Variants in PLEKHA7 observed in about 807,000 individuals in gnomAD.
PLEKHA7 encodes pleckstrin homology domain containing A7.
Under a neutral mutation model 170.0 loss-of-function variants are expected in PLEKHA7, and 104 were observed. The ratio of observed to expected loss-of-function variants is 0.61; its 90% confidence interval spans 0.52 to 0.72. The LOEUF (loss-of-function observed/expected upper bound fraction) is 0.72. PLEKHA7 is among the 30% of genes least tolerant of loss of function. PLEKHA7 has a pLI of 0.00. For missense variants in PLEKHA7, 1,615 were observed against 1,671.7 expected, an observed-to-expected ratio of 0.97 and a Z score of 0.59; for synonymous variants, 648 against 660.8, an observed-to-expected ratio of 0.98 and a Z score of 0.30.
intron 13 of PLEKHA7, among the ~76,000 whole-genome samples, chr11:16,803,812 C>G (rs889070228): frequency 6.6e-6 from 1 of 152,192 alleles, no homozygotes; most frequent in African/African-American, 2.4e-5. Flanking sequence ...GTAAGGCCAG[C>G]CTTCCTTACC....
At chr11:16,980,607 T>TG (rs978027483) in intron 3 of PLEKHA7, among the ~76,000 whole-genome samples, 10 of 151,950 alleles carry the variant, frequency 6.6e-5, no homozygotes, top group African/African-American at 1.5e-4. Flanking sequence ...TGGTTTGGTT[T>TG]GGGGGGGATA....
At chr11:16,892,914 C>A (rs1031954444) in intron 3 of PLEKHA7, among the ~76,000 whole-genome samples, 1 of 152,170 alleles carries the variant, frequency 6.6e-6, no homozygotes, top group African/African-American at 2.4e-5. Context: ...CTGGTGAGGG[C>A]CCATGCCTTA....
At chr11:16,843,680 C>A (rs1226290740) in intron 8 of PLEKHA7, among the ~76,000 whole-genome samples, 1 of 152,238 alleles carries the variant, frequency 6.6e-6, no homozygotes, top group Non-Finnish European at 1.5e-5. Context: ...GGGCTCACAC[C>A]TGTAATCCCA....
At chr11:16,811,535 A>C (rs1269805884) in intron 13 of PLEKHA7, among the ~76,000 whole-genome samples, 1 of 152,058 alleles carries the variant, frequency 6.6e-6, no homozygotes, top group Non-Finnish European at 1.5e-5. Flanking sequence ...GGTGGGAACA[A>C]CCCTGTCTGT....
At chr11:16,852,380 G>C in intron 6 of PLEKHA7, 25 bp from the exon 7 acceptor site, 1 of 1,607,976 alleles carries the variant, frequency 6.2e-7, no homozygotes, top group Non-Finnish European at 8.5e-7. Context: ...AAACTAGTCA[G>C]GGTAATATCT....
In PLEKHA7 at chr11:16,952,928, A is replaced by T. The variant is rs974582700; in HGVS notation, c.221+61061T>A. Among the ~76,000 whole-genome samples the T allele has an allele frequency of 2.0e-4, 30 of 152,378 alleles. No individual in the cohort carries two copies. The East Asian group carries it at 2.5e-3, about 13-fold the overall frequency. On this transcript the variant is annotated intron_variant, in intron 3 of 26. Coordinates refer to ENST00000531066, the MANE Select transcript of PLEKHA7 (RefSeq NM_001329630.2). ...TTCATGAATTAACTAAATTTAAAAAATTTTTAATTTGCTTTTTCACAATGG... is the reference window on the plus strand; with the variant it reads ...TTCATGAATTAACTAAATTTAAAAATTTTTTAATTTGCTTTTTCACAATGG...
chr11:16,867,905 T>C (rs1297410108), intron 4 of PLEKHA7, among the ~76,000 whole-genome samples: 2 of 152,204 alleles, frequency 1.3e-5, no homozygotes, highest in Non-Finnish European at 2.9e-5. Context: ...CAAGAAAGTC[T>C]TTCCCCTCTT....
At chr11:16,870,687 C>T (rs1169646148) in intron 4 of PLEKHA7, among the ~76,000 whole-genome samples, 1 of 151,068 alleles carries the variant, frequency 6.6e-6, no homozygotes, top group Non-Finnish European at 1.5e-5. Context: ...TAGCCTTGAA[C>T]TCCTGGGCTC....
intron 4 of PLEKHA7, among the ~76,000 whole-genome samples, chr11:16,868,721 C>G (rs937413535): frequency 6.6e-6 from 1 of 152,150 alleles, no homozygotes; most frequent in Non-Finnish European, 1.5e-5. Context: ...TCCATGACAT[C>G]CAGGAGATGG....
intron 3 of PLEKHA7, among the ~76,000 whole-genome samples, chr11:16,956,165 GT>G (rs1861689869): frequency 6.6e-6 from 1 of 152,166 alleles, no homozygotes; most frequent in Admixed American, 6.5e-5. Context: ...GTACGTATGT[GT>G]GTGTACACAT....
At chr11:16,833,255 G>C (rs1221495860) in intron 9 of PLEKHA7, among the ~76,000 whole-genome samples, 2 of 152,128 alleles carry the variant, frequency 1.3e-5, no homozygotes, top group Admixed American at 1.3e-4. Flanking sequence ...AGAAGAGCGA[G>C]GCTGCAGAAT....
At chr11:16,794,377 G>C in intron 19 of PLEKHA7, 111 bp downstream of exon 19, 1 of 1,044,578 alleles carries the variant, frequency 9.6e-7, no homozygotes, top group South Asian at 1.3e-5. Flanking sequence ...CCTTTAGGAC[G>C]CTGGCTGGGT....
chr11:16,887,331 G>A (rs930525325), intron 3 of PLEKHA7, among the ~76,000 whole-genome samples: 5 of 73,876 alleles, frequency 6.8e-5, no homozygotes, highest in East Asian at 6.5e-4. Context: ...CTCTCCCCAC[G>A]GTCTCCCTCT....
chr11:17,014,008 C>T lies in PLEKHA7; in HGVS notation c.202G>A (p.Gly68Ser). 1.9e-6 allele frequency: 3 copies of T among 1,547,724 alleles called. No individual in the cohort carries two copies. The highest frequency in any genetic ancestry group is 2.6e-6 in the Non-Finnish European group (3 of 1,146,382). The change falls in exon 3 of 27, where the codon GGC becomes AGC. Residue 68 changes from glycine to serine, a missense_variant. By Grantham distance (56) the Gly-to-Ser change is moderately conservative. Transcript: ENST00000531066. Reference sequence around the variant, plus strand: ...ACTCACTCGATGAAGTAGCTGGCGCCCTCCTCCGTGAAGCCCTCCTCCCAG... The same window carrying T: ...ACTCACTCGATGAAGTAGCTGGCGCTCTCCTCCGTGAAGCCCTCCTCCCAG... The part of the protein sequence containing the change: ...RGWEEGFTEE[G>S]ASYFIDHNQQ...
At position 17,004,390 on chromosome 11, in the gene PLEKHA7, TC is replaced by T. The variant is rs111324457; in HGVS notation, c.221+9598del. Among the ~76,000 whole-genome samples, 252 of 102,384 alleles carry T rather than the reference TC, an allele frequency of 2.5e-3. 1 individual carries two copies. The highest frequency in any genetic ancestry group is 7.8e-3 in the African/African-American group (241 of 30,906). 67.2% of individuals were successfully genotyped at this position (102,384 alleles called of 152,430 possible). A position where few individuals can be genotyped will look rare whatever the true frequency, so the allele number is the denominator to read the frequency against. On this transcript the variant is annotated intron_variant, in intron 3 of 26. Transcript: ENST00000531066. ...CAGTATACACCTTTTTTTTCCTTTT[TC>T]TTTTTCTTTTTTTTTTTTAAGACAC...
chr11:16,986,232 T>C (rs768489322), intron 3 of PLEKHA7, among the ~76,000 whole-genome samples: 10 of 152,070 alleles, frequency 6.6e-5, no homozygotes, highest in Non-Finnish European at 1.3e-4. Flanking sequence ...TGGGCCCCTG[T>C]AGGGAGAACA....
At chr11:16,928,929 C>T (rs996472076) in intron 3 of PLEKHA7, among the ~76,000 whole-genome samples, 4 of 152,006 alleles carry the variant, frequency 2.6e-5, no homozygotes, top group African/African-American at 9.7e-5. Context: ...AAATAAAAGA[C>T]TACTAGAGGG....
intron 3 of PLEKHA7, among the ~76,000 whole-genome samples, chr11:16,976,788 T>C (rs1395806283): frequency 6.6e-6 from 1 of 152,232 alleles, no homozygotes; most frequent in Admixed American, 6.5e-5. Context: ...ATAGGACATT[T>C]ACTTTTAAAG....
chr11:16,951,242 T>A (rs1234414498), intron 3 of PLEKHA7, among the ~76,000 whole-genome samples: 1 of 152,180 alleles, frequency 6.6e-6, no homozygotes, highest in Non-Finnish European at 1.5e-5. Flanking sequence ...AGTTTCACCT[T>A]GCCCTTCAGC....
Sources: gnomAD v4.1 joint callset for allele counts (sites outside exome capture counted in the v4.1 genomes callset) on GRCh38, gnomAD v4.1.1 for gene constraint, MANE v1.5 for transcripts, NCBI Gene and HGNC (gene_info 2026-07-23, HGNC 2026-07-21) for gene names.